HMOX1: variants seen among roughly 807,000 people sequenced by gnomAD.
HMOX1 encodes heme oxygenase 1, also known as heat shock protein, 32-kD.
Under a neutral mutation model 27.8 loss-of-function variants are expected in HMOX1, and 22 were observed. That is an observed-to-expected ratio of 0.79 (90% CI 0.57 to 1.13). HMOX1 has a LOEUF of 1.13. Among genes scored for constraint, HMOX1 ranks in the 50% most tolerant of loss-of-function variants. HMOX1 has a pLI of 0.00. For synonymous variants in HMOX1, 153 were observed against 151.6 expected (o/e 1.01, Z -0.07); for missense variants, 379 against 377.7 (o/e 1.00, Z -0.03).
At chr22:35,389,681 T>C (rs17879082) in intron 3 of HMOX1, among the ~76,000 whole-genome samples, 183 bp from the exon 4 acceptor site, 5,375 of 151,914 alleles carry the variant, frequency 0.035, 115 homozygotes, top group Middle Eastern at 0.082. Context: ...TGACCCGTGA[T>C]GTGCCCATCT....
chr22:35,389,579 AT>A (rs1489746473), intron 3 of HMOX1, among the ~76,000 whole-genome samples: 1 of 151,184 alleles, frequency 6.6e-6, no homozygotes, highest in Non-Finnish European at 1.5e-5. Flanking sequence ...AGTAGCTGGG[AT>A]TACAGGCATG....
At position 35,393,472 on chromosome 22, in the gene HMOX1, T is replaced by C. The variant is rs138018904; in HGVS notation, c.741T>C (p.Ser247=). Residue 247 remains serine (S), a synonymous_variant, in exon 5 of 5, where the codon TCT becomes TCC. Transcript: ENST00000216117. ...TTGCCCCATTTTCTCTTTCAGATTC[T>C]GCCCCCGTGGAGACTCCCAGAGGGA... ...RQRASNKVQD[S]APVETPRGKP... The C allele has an allele frequency of 8.4e-5, 136 of 1,614,202 alleles. No individual in the cohort carries two copies. In the African/African-American group the frequency reaches 1.7e-3, roughly 20 times the overall value.
In HMOX1 at chr22:35,382,372, G is replaced by A. The variant is rs193166663; in HGVS notation, c.24-734G>A. 1.0e-3 allele frequency among the ~76,000 whole-genome samples: 152 copies of A among 151,848 alleles called. 1 individual carries two copies. The highest frequency in any genetic ancestry group is 3.6e-3 in the Admixed American group (55 of 15,252). The stretch of plus-strand genomic sequence containing the variant: ...TGCTTTTTTGCTTTTCTTTTTTTGA[G>A]ATGGAGTGTTGCTCTGTTGCCCAGG... On this transcript the variant is annotated intron_variant, in intron 1 of 4. Coordinates refer to ENST00000216117, the MANE Select transcript of HMOX1 (RefSeq NM_002133.3).
rs1030459160 is a variant in HMOX1, at chr22:35,389,211, T to C, written c.637-653T>C. Among the ~76,000 whole-genome samples the C allele has an allele frequency of 5.6e-5, 7 of 124,648 alleles. 1 individual carries two copies. The highest frequency in any genetic ancestry group is 2.4e-4 in the East Asian group (1 of 4,082). 81.8% of individuals were successfully genotyped at this position (124,648 alleles called of 152,430 possible). A position where few individuals can be genotyped will look rare whatever the true frequency, so the allele number is the denominator to read the frequency against. The stretch of plus-strand genomic sequence containing the variant: ...GAATTTTCTTTCTTTCTTTCTTTCT[T>C]TCTCTCTTTCTTTCTTTCTTTCTTT... On this transcript the variant is annotated intron_variant, in intron 3 of 4. Coordinates refer to ENST00000216117, the MANE Select transcript of HMOX1 (RefSeq NM_002133.3).
At chr22:35,389,992 T>TGG in intron 4 of HMOX1, 29 bp downstream of exon 4, 1 of 1,465,040 alleles carries the variant, frequency 6.8e-7, no homozygotes, top group Non-Finnish European at 9.5e-7. Context: ...GGGCACTTCC[T>TGG]CTGGGCTACA....
chr22:35,381,297 A>G, intron 1 of HMOX1, 101 bp downstream of exon 1: 1 of 1,395,076 alleles, frequency 7.2e-7, no homozygotes. Flanking sequence ...GACAGAGCCC[A>G]GGAGCCAGAA....
chr22:35,392,680 G>A (rs557039126), intron 4 of HMOX1, among the ~76,000 whole-genome samples: 3 of 151,954 alleles, frequency 2.0e-5, no homozygotes, highest in African/African-American at 7.2e-5. Flanking sequence ...CATCTACCCA[G>A]GTTGCATGGT....
chr22:35,389,895 A>G lies in HMOX1; in HGVS notation c.668A>G (p.His223Arg). The change falls in exon 4 of 5, where the codon CAT (histidine) becomes CGT (arginine). Residue 223 changes from histidine (H) to arginine (R), a missense_variant. Physicochemically the swap from His to Arg is conservative, Grantham distance 29. Transcript: ENST00000216117. ...GAGGAGTTGCAGGAGCTGCTGACCC[A>G]TGACACCAAGGACCAGAGCCCCTCA... is the stretch of plus-strand genomic sequence containing the variant. ...LFEELQELLT[H>R]DTKDQSPSRA... is the part of the protein sequence containing the mutation. The G allele has an allele frequency of 6.2e-7, 1 of 1,611,764 alleles. No individual in the cohort carries two copies. Among genetic ancestry groups the G allele is most frequent in the Non-Finnish European group, 8.5e-7 (1 of 1,179,640 alleles).
chr22:35,383,045 C>G, intron 1 of HMOX1, 61 bp from the exon 2 acceptor site: 1 of 1,603,694 alleles, frequency 6.2e-7, no homozygotes, highest in Non-Finnish European at 8.5e-7. Context: ...GGAGGCTCAG[C>G]AGTTGGGAAG....
Position 35,393,489 on chromosome 22 carries a change from C to T in HMOX1, c.758C>T (p.Pro253Leu), listed in dbSNP as rs772562670. The T allele has an allele frequency of 6.2e-7, 1 of 1,614,170 alleles. No individual in the cohort carries two copies. The highest frequency in any genetic ancestry group is 8.5e-7 in the Non-Finnish European group (1 of 1,180,022). ...TCAGATTCTGCCCCCGTGGAGACTCCCAGAGGGAAGCCCCCACTCAACACC... is the reference window on the plus strand; with the variant it reads ...TCAGATTCTGCCCCCGTGGAGACTCTCAGAGGGAAGCCCCCACTCAACACC... The part of the protein sequence containing the change: ...KVQDSAPVET[P>L]RGKPPLNTRS... The change falls in exon 5 of 5, where the codon CCC becomes CTC. Residue 253 changes from proline to leucine, a missense_variant. Pro to Leu is a moderately conservative substitution (Grantham distance 98). Coordinates refer to ENST00000216117, the MANE Select transcript of HMOX1 (RefSeq NM_002133.3).
intron 4 of HMOX1, among the ~76,000 whole-genome samples, chr22:35,391,229 A>C (rs1931710551): frequency 6.6e-6 from 1 of 151,812 alleles, no homozygotes. Flanking sequence ...TGGTAATCCT[A>C]GTATCCCCTC....
intron 1 of HMOX1, among the ~76,000 whole-genome samples, chr22:35,381,910 G>C (rs17882565): frequency 2.0e-5 from 3 of 152,038 alleles, no homozygotes; most frequent in African/African-American, 7.3e-5. Flanking sequence ...AGGAGAAAAG[G>C]GAAAAATGAC....
Position 35,393,570 on chromosome 22 carries a change from C to A in HMOX1, c.839C>A (p.Thr280Lys), listed in dbSNP as rs374133554. Residue 280 changes from threonine (T) to lysine (K), a missense_variant, in exon 5 of 5, where the codon ACA (threonine) becomes AAA (lysine). Physicochemically the swap from Thr to Lys is moderately conservative, Grantham distance 78. Coordinates refer to ENST00000216117, the MANE Select transcript of HMOX1 (RefSeq NM_002133.3). ...WVLTLSFLVATVAVGLYAM is the reference protein window; with the variant it reads ...WVLTLSFLVAKVAVGLYAM ...CTTACACTCAGCTTTCTGGTGGCGACAGTTGCTGTAGGGCTTTATGCCATG... is the reference window on the plus strand; with the variant it reads ...CTTACACTCAGCTTTCTGGTGGCGAAAGTTGCTGTAGGGCTTTATGCCATG... 4.5e-5 allele frequency: 72 copies of A among 1,614,102 alleles called. No homozygotes were observed. Among genetic ancestry groups the A allele is most frequent in the Non-Finnish European group, 5.7e-5 (67 of 1,180,034 alleles).
intron 2 of HMOX1, among the ~76,000 whole-genome samples, chr22:35,385,314 C>A (rs1437452041): frequency 6.6e-6 from 1 of 152,160 alleles, no homozygotes; most frequent in Non-Finnish European, 1.5e-5. Flanking sequence ...GGGTCCCTGG[C>A]AATGCCCGGT....
intron 3 of HMOX1, among the ~76,000 whole-genome samples, chr22:35,389,451 T>TC (rs1398264862): frequency 7.3e-6 from 1 of 137,276 alleles, no homozygotes; most frequent in East Asian, 2.1e-4. Context: ...TTTCTTTCTT[T>TC]TCTTTCTTTC....
chr22:35,389,247 C>CTTTCTTTCT (rs1569057127), intron 3 of HMOX1, among the ~76,000 whole-genome samples: 4 of 119,644 alleles, frequency 3.3e-5, no homozygotes, highest in South Asian at 2.7e-4. Flanking sequence ...CTTTTTCTTT[C>CTTTCTTTCT]TTTTCTCTCT....
Position 35,393,750 on chromosome 22 carries a change from G to A in HMOX1, c.*152G>A. The A allele has an allele frequency of 1.1e-6, 1 of 946,984 alleles. No homozygotes were observed. Among genetic ancestry groups the A allele is most frequent in the Non-Finnish European group, 1.7e-6 (1 of 595,368 alleles). The allele number at this position is 946,984 out of a possible 1,614,324, so 58.7% of individuals were successfully genotyped here. A position where few individuals can be genotyped will look rare whatever the true frequency, so the allele number is the denominator to read the frequency against. On this transcript the variant is annotated 3_prime_UTR_variant, in exon 5 of 5. Coordinates refer to ENST00000216117, the MANE Select transcript of HMOX1 (RefSeq NM_002133.3). ...TCACTGTGTCCCTCTCTCTGGAAAGGAGGAAGGAGCCTATGGCATCTTCCC... is the reference window on the plus strand; with the variant it reads ...TCACTGTGTCCCTCTCTCTGGAAAGAAGGAAGGAGCCTATGGCATCTTCCC...
chr22:35,389,318 T>C (rs1332931489), intron 3 of HMOX1, among the ~76,000 whole-genome samples: 1 of 129,464 alleles, frequency 7.7e-6, no homozygotes, highest in African/African-American at 3.9e-5. Flanking sequence ...TTTCTTTCTT[T>C]CTTCTTTCTT....
At position 35,386,976 on chromosome 22, in the gene HMOX1, G is replaced by A. The variant is rs1931526388; in HGVS notation, c.436G>A (p.Val146Met). The stretch of plus-strand genomic sequence containing the variant: ...CCTGGGTGACCTGTCTGGGGGCCAG[G>A]TGCTCAAAAAGATTGCCCAGAAAGC... ...RYLGDLSGGQ[V>M]LKKIAQKALD... The change falls in exon 3 of 5, where the codon GTG becomes ATG. Residue 146 changes from valine to methionine, a missense_variant. Coordinates refer to ENST00000216117, the MANE Select transcript of HMOX1 (RefSeq NM_002133.3). The A allele has an allele frequency of 6.2e-7, 1 of 1,614,018 alleles. No homozygotes were observed. The highest frequency in any genetic ancestry group is 8.5e-7 in the Non-Finnish European group (1 of 1,180,032).
Sources: allele counts gnomAD v4.1 joint callset (sites outside exome capture counted in the v4.1 genomes callset), GRCh38; gene constraint gnomAD v4.1.1; transcripts MANE v1.5; gene names NCBI Gene and HGNC (gene_info 2026-07-23, HGNC 2026-07-21).